The following KCNT2 variants were observed in gnomAD, a reference collection of about 807,000 sequenced individuals.
The protein encoded by KCNT2 is potassium sodium-activated channel subfamily T member 2.
In KCNT2, 67 loss-of-function variants were observed where a neutral mutation model predicts 153.8. The observed-to-expected ratio is 0.44, with a 90% CI of 0.36 to 0.53. The LOEUF is 0.53. Ranked by LOEUF, KCNT2 falls within the 20% of genes least tolerant of loss-of-function variation. The pLI, the probability that KCNT2 is intolerant of heterozygous loss-of-function variation, is 0.00. For missense variants in KCNT2, 975 were observed against 1,354.8 expected (o/e 0.72, Z 4.40); for synonymous variants, 500 against 458.8 (o/e 1.09, Z -1.15).
chr1:196,275,431 T>C (rs1658474035), intron 25 of KCNT2, among the ~76,000 whole-genome samples: 1 of 151,750 alleles, frequency 6.6e-6, no homozygotes, highest in Non-Finnish European at 1.5e-5. Context: ...GACTTCTCCT[T>C]TCACTAATCT....
intron 1 of KCNT2, among the ~76,000 whole-genome samples, chr1:196,590,233 T>C (rs1421776526): frequency 2.6e-5 from 4 of 152,188 alleles, no homozygotes; most frequent in Admixed American, 2.6e-4. Flanking sequence ...TCCCACACTT[T>C]TGACCGAGTA....
chr1:196,459,334 T>A (rs1676952642), intron 8 of KCNT2, among the ~76,000 whole-genome samples: 1 of 151,366 alleles, frequency 6.6e-6, no homozygotes, highest in Non-Finnish European at 1.5e-5. Context: ...TTCAAAATAA[T>A]GGAAAATTAA....
chr1:196,590,104 A>T (rs960718913), intron 1 of KCNT2, among the ~76,000 whole-genome samples: 4 of 152,080 alleles, frequency 2.6e-5, no homozygotes, highest in African/African-American at 4.8e-5. Flanking sequence ...TTATACAAAT[A>T]AAAAAAATGC....
In KCNT2 at chr1:196,256,616, T is replaced by A. The variant is rs577575907; in HGVS notation, c.3211+1578A>T. ...GTGTTATTTGAGATATAATTATTTTTCTTTAGACAATATAAAAATAAGATT... is the reference window on the plus strand; with the variant it reads ...GTGTTATTTGAGATATAATTATTTTACTTTAGACAATATAAAAATAAGATT... On this transcript the variant is annotated intron_variant, in intron 26 of 27. Transcript: ENST00000294725. Among the ~76,000 whole-genome samples the A allele has an allele frequency of 3.8e-4, 57 of 151,776 alleles. No individual in the cohort carries two copies. In the East Asian group the frequency reaches 0.011, roughly 28 times the overall value.
At chr1:196,361,631 G>A (rs929536507) in intron 14 of KCNT2, among the ~76,000 whole-genome samples, 4 of 152,012 alleles carry the variant, frequency 2.6e-5, no homozygotes, top group African/African-American at 9.7e-5. Context: ...GATAAAGGGC[G>A]CTTCCCCACT....
chr1:196,258,590 T>C (rs932368484), intron 25 of KCNT2, 96 bp from the exon 26 acceptor site: 22 of 996,134 alleles, frequency 2.2e-5, no homozygotes, highest in African/African-American at 1.5e-4. Context: ...TTGTTATATT[T>C]CTACTCAGGA....
chr1:196,407,800 T>G (rs1463289124), intron 12 of KCNT2, among the ~76,000 whole-genome samples: 1 of 151,470 alleles, frequency 6.6e-6, no homozygotes, highest in Admixed American at 6.6e-5. Context: ...TAAATATGTC[T>G]TTGACATTTA....
chr1:196,522,158 C>T (rs1017148087), intron 1 of KCNT2, among the ~76,000 whole-genome samples: 1 of 152,070 alleles, frequency 6.6e-6, no homozygotes, highest in African/African-American at 2.4e-5. Flanking sequence ...CATTCCAAAC[C>T]TGCTTTCATT....
chr1:196,331,198 G>T lies in KCNT2; in HGVS notation c.2061C>A (p.Leu687=), dbSNP rs767819660. The T allele has an allele frequency of 6.2e-7, 1 of 1,609,768 alleles. No individual in the cohort carries two copies. The change falls in exon 18 of 28, where the codon CTC becomes CTA. Residue 687 remains leucine (L), a synonymous_variant. Coordinates refer to ENST00000294725, the MANE Select transcript of KCNT2 (RefSeq NM_198503.5). ...AGCAAAATGGTACTTTTTCATGAAG[G>T]AGATGACAAAAAGTGGGTGAACTTC... is the stretch of plus-strand genomic sequence containing the variant. The part of the protein sequence containing the change: ...YIGSSPTFCH[L]LHEKVPFCCL...
chr1:196,393,624 G>T (rs1670670624), intron 13 of KCNT2, among the ~76,000 whole-genome samples: 1 of 151,012 alleles, frequency 6.6e-6, no homozygotes, highest in African/African-American at 2.4e-5. Flanking sequence ...TGCATTTAAT[G>T]ATTTAGGAAA....
chr1:196,480,855 C>CAAAAAAAAAAAAAAAAAAA (rs372270510), intron 4 of KCNT2, among the ~76,000 whole-genome samples: 1 of 26,896 alleles, frequency 3.7e-5, no homozygotes, highest in Non-Finnish European at 6.6e-5. Flanking sequence ...GACTTCGTCT[C>CAAAAAAAAAAAAAAAAAAA]AAAAAAAAAA....
intron 1 of KCNT2, among the ~76,000 whole-genome samples, chr1:196,592,512 ATATAT>A (rs1271033801): frequency 6.8e-6 from 1 of 147,548 alleles, no homozygotes; most frequent in Non-Finnish European, 1.5e-5. Flanking sequence ...CTATATATAA[ATATAT>A]TAATATATAA....
At chr1:196,313,668 CA>C (rs1169299809) in intron 21 of KCNT2, among the ~76,000 whole-genome samples, 1 of 150,428 alleles carries the variant, frequency 6.6e-6, no homozygotes, top group Admixed American at 6.7e-5. Context: ...GCTTAACACA[CA>C]ACACAAAAAA....
Position 196,342,161 on chromosome 1 carries a change from G to A in KCNT2, c.1471C>T (p.His491Tyr), listed in dbSNP as rs377145803. The change falls in exon 15 of 28, where the codon CAC becomes TAC. Residue 491 changes from histidine (H) to tyrosine (Y), a missense_variant. Coordinates refer to ENST00000294725, the MANE Select transcript of KCNT2 (RefSeq NM_198503.5). The stretch of plus-strand genomic sequence containing the variant: ...AATGTACTTTCTTCCAAAACAATGT[G>A]GTAGACTTCATTCCCGGAGCATCTA... ...YGRCSGNEVY[H>Y]IVLEESTFFA... The A allele has an allele frequency of 3.1e-6, 5 of 1,611,262 alleles. No homozygotes were observed. The highest frequency in any genetic ancestry group is 4.2e-6 in the Non-Finnish European group (5 of 1,178,872).
chr1:196,538,105 C>T (rs1655851724), intron 1 of KCNT2, among the ~76,000 whole-genome samples: 1 of 152,066 alleles, frequency 6.6e-6, no homozygotes, highest in South Asian at 2.1e-4. Context: ...TGTACTTCTC[C>T]TAGTGCAGTT....
intron 8 of KCNT2, among the ~76,000 whole-genome samples, chr1:196,450,408 T>A (rs1041167393): frequency 6.6e-6 from 1 of 151,892 alleles, no homozygotes; most frequent in Non-Finnish European, 1.5e-5. Context: ...TATAGCTAAA[T>A]GGCTATTTAA....
chr1:196,378,836 A>G (rs1171413550), intron 13 of KCNT2, among the ~76,000 whole-genome samples: 2 of 148,126 alleles, frequency 1.4e-5, no homozygotes, highest in African/African-American at 4.9e-5. Context: ...TTATATATAT[A>G]TAATGTTATG....
intron 21 of KCNT2, among the ~76,000 whole-genome samples, chr1:196,312,405 TA>T (rs1662275764): frequency 6.6e-6 from 1 of 151,366 alleles, no homozygotes; most frequent in Non-Finnish European, 1.5e-5. Flanking sequence ...AATAAATAAA[TA>T]AATAAATTTA....
intron 1 of KCNT2, among the ~76,000 whole-genome samples, chr1:196,524,548 A>G (rs1653923847): frequency 6.6e-6 from 1 of 152,190 alleles, no homozygotes; most frequent in Non-Finnish European, 1.5e-5. Context: ...GAGGTTATCA[A>G]CATCATGCTG....
Sources: allele counts gnomAD v4.1 joint callset (sites outside exome capture counted in the v4.1 genomes callset), GRCh38; gene constraint gnomAD v4.1.1; transcripts MANE v1.5; gene names NCBI Gene and HGNC (gene_info 2026-07-23, HGNC 2026-07-21).